Variants in GPR158 observed in about 807,000 individuals in gnomAD.
GPR158 encodes G protein-coupled receptor 158, also known as metabotropic glycine receptor.
Under a neutral mutation model 78.2 loss-of-function variants are expected in GPR158, and 30 were observed. The ratio of observed to expected loss-of-function variants is 0.38; its 90% confidence interval spans 0.29 to 0.52. The LOEUF (loss-of-function observed/expected upper bound fraction) is 0.52. GPR158 is among the 20% of genes least tolerant of loss of function. The probability of loss-of-function intolerance (pLI) is 0.83; values close to 1 mark genes in which losing one functional copy is unlikely to be tolerated. For missense variants in GPR158, 1,463 were observed against 1,523.5 expected (o/e 0.96, Z 0.66); for synonymous variants, 581 against 591.1 (o/e 0.98, Z 0.25).
intron 1 of GPR158, among the ~76,000 whole-genome samples, chr10:25,203,630 A>C (rs1200343000): frequency 6.9e-6 from 1 of 144,996 alleles, no homozygotes; most frequent in Non-Finnish European, 1.5e-5. Context: ...TTTTGGTACC[A>C]GTACCATGCT....
At position 25,596,692 on chromosome 10, in the gene GPR158, A is replaced by C. The variant is rs1416877734; in HGVS notation, c.2048A>C (p.Tyr683Ser). 6.2e-7 allele frequency: 1 copy of C among 1,613,650 alleles called. No homozygotes were observed. Among genetic ancestry groups the C allele is most frequent in the Non-Finnish European group, 8.5e-7 (1 of 1,179,608 alleles). Residue 683 changes from tyrosine to serine, a missense_variant, in exon 10 of 11, where the codon TAT (tyrosine) becomes TCT (serine). Coordinates refer to ENST00000376351, the MANE Select transcript of GPR158 (RefSeq NM_020752.3). ...CGAGATGATATTGCTACAGAAGCAT[A>C]TGAGGATGAGCTAGACATGGGCCGA... ...NPRDDIATEAYEDELDMGRSG... is the reference protein window; with the variant it reads ...NPRDDIATEASEDELDMGRSG...
chr10:25,371,245 T>C (rs1274108304), intron 2 of GPR158, among the ~76,000 whole-genome samples: 3 of 151,762 alleles, frequency 2.0e-5, no homozygotes, highest in African/African-American at 7.3e-5. Context: ...CATTAGTTGA[T>C]GCAGTTTCTT....
intron 6 of GPR158, among the ~76,000 whole-genome samples, chr10:25,566,235 G>A (rs375601378): frequency 8.5e-5 from 13 of 152,140 alleles, no homozygotes; most frequent in African/African-American, 2.9e-4. Context: ...AAGGGAGAGA[G>A]GACACAGGGA....
chr10:25,525,404 AAC>A (rs1836334299), intron 5 of GPR158, among the ~76,000 whole-genome samples: 1 of 151,298 alleles, frequency 6.6e-6, no homozygotes, highest in African/African-American at 2.5e-5. Context: ...TGAATGGATA[AAC>A]ACAATGTATT....
chr10:25,428,798 A>G (rs1834857320), intron 4 of GPR158, among the ~76,000 whole-genome samples: 1 of 152,082 alleles, frequency 6.6e-6, no homozygotes, highest in Non-Finnish European at 1.5e-5. Flanking sequence ...ATATTTGATT[A>G]TGTAACGCGA....
At chr10:25,403,044 CTG>C (rs1834467494) in intron 3 of GPR158, among the ~76,000 whole-genome samples, 1 of 151,582 alleles carries the variant, frequency 6.6e-6, no homozygotes, top group African/African-American at 2.4e-5. Flanking sequence ...AGGCAAATGT[CTG>C]TATATATCAT....
At chr10:25,308,232 A>G (rs1854710806) in intron 2 of GPR158, among the ~76,000 whole-genome samples, 1 of 152,048 alleles carries the variant, frequency 6.6e-6, no homozygotes. Context: ...GGTTTGCTGC[A>G]CCTATCAACC....
chr10:25,445,993 G>C (rs1031935742), intron 4 of GPR158, among the ~76,000 whole-genome samples: 1 of 152,082 alleles, frequency 6.6e-6, no homozygotes, highest in Admixed American at 6.6e-5. Context: ...AGATAGATTT[G>C]AGTTACTATG....
chr10:25,454,470 T>C (rs1835265134), intron 4 of GPR158, among the ~76,000 whole-genome samples: 1 of 152,180 alleles, frequency 6.6e-6, no homozygotes, highest in Non-Finnish European at 1.5e-5. Flanking sequence ...AGGGAATTAC[T>C]TTGAAATATG....
chr10:25,343,102 A>T (rs1855327098), intron 2 of GPR158, among the ~76,000 whole-genome samples: 1 of 152,014 alleles, frequency 6.6e-6, no homozygotes, highest in South Asian at 2.1e-4. Flanking sequence ...GGTCAAATGG[A>T]GATGAGCTTA....
At chr10:25,579,059 T>C in intron 7 of GPR158, among the ~76,000 whole-genome samples, 1 of 151,594 alleles carries the variant, frequency 6.6e-6, no homozygotes, top group East Asian at 1.9e-4. Flanking sequence ...GGGTTGAGAC[T>C]GGGAAACATT....
At chr10:25,315,111 G>A (rs900399369) in intron 2 of GPR158, among the ~76,000 whole-genome samples, 1 of 151,834 alleles carries the variant, frequency 6.6e-6, no homozygotes, top group Non-Finnish European at 1.5e-5. Context: ...TATAGCTCAT[G>A]AGGATGAAAA....
chr10:25,437,267 C>A (rs909437897), intron 4 of GPR158, among the ~76,000 whole-genome samples: 5 of 151,824 alleles, frequency 3.3e-5, no homozygotes, highest in Non-Finnish European at 7.4e-5. Context: ...GCTCTCTTGC[C>A]CAGGCTGGAG....
At chr10:25,243,884 A>T (rs913919536) in intron 2 of GPR158, among the ~76,000 whole-genome samples, 1 of 152,176 alleles carries the variant, frequency 6.6e-6, no homozygotes, top group African/African-American at 2.4e-5. Flanking sequence ...CTTTGTGTTT[A>T]TCATAGAGGC....
chr10:25,505,042 G>A (rs915087670), intron 5 of GPR158, among the ~76,000 whole-genome samples: 1 of 152,194 alleles, frequency 6.6e-6, no homozygotes, highest in African/African-American at 2.4e-5. Context: ...AATGGGGGCA[G>A]TAATAGTGCC....
chr10:25,423,316 A>G (rs1440594739), intron 4 of GPR158, among the ~76,000 whole-genome samples: 3 of 151,870 alleles, frequency 2.0e-5, no homozygotes, highest in Admixed American at 6.6e-5. Context: ...TCTTTTTAGT[A>G]TAATGACTTC....
intron 1 of GPR158, among the ~76,000 whole-genome samples, chr10:25,177,878 C>T (rs1852561143): frequency 6.6e-6 from 1 of 152,182 alleles, no homozygotes; most frequent in Non-Finnish European, 1.5e-5. Context: ...TTTCTACTTT[C>T]AAGATAATCT....
intron 2 of GPR158, among the ~76,000 whole-genome samples, chr10:25,305,362 C>G (rs1479134624): frequency 6.6e-6 from 1 of 152,126 alleles, no homozygotes; most frequent in African/African-American, 2.4e-5. Context: ...GTGTTAAGTG[C>G]TAGAGATACT....
Position 25,412,255 on chromosome 10 carries a change from G to A in GPR158, c.1117G>A (p.Gly373Ser), listed in dbSNP as rs1306264141. The A allele has an allele frequency of 3.1e-6, 5 of 1,612,306 alleles. No individual in the cohort carries two copies. Among genetic ancestry groups the A allele is most frequent in the African/African-American group, 2.7e-5 (2 of 74,994 alleles). ...GTTTTATTTGGAACTTTCAGGAAGGGGTCCGGATCAGCATATTTCAGGAAG... is the reference window on the plus strand; with the variant it reads ...GTTTTATTTGGAACTTTCAGGAAGGAGTCCGGATCAGCATATTTCAGGAAG... ...VLPVNNFRRRGPDQHISGSTK... is the reference protein window; with the variant it reads ...VLPVNNFRRRSPDQHISGSTK... Residue 373 changes from glycine to serine, a missense_variant, in exon 4 of 11, where the codon GGT (glycine) becomes AGT (serine). Physicochemically the swap from Gly to Ser is moderately conservative, Grantham distance 56 (BLOSUM62 0). Coordinates refer to ENST00000376351, the MANE Select transcript of GPR158 (RefSeq NM_020752.3).
Sources: gnomAD v4.1 joint callset for allele counts (sites outside exome capture counted in the v4.1 genomes callset) on GRCh38, gnomAD v4.1.1 for gene constraint, MANE v1.5 for transcripts, NCBI Gene and HGNC (gene_info 2026-07-23, HGNC 2026-07-21) for gene names.